The following CSGALNACT1 variants were observed in gnomAD, a reference collection of about 807,000 sequenced individuals.
The protein encoded by CSGALNACT1 is chondroitin sulfate N-acetylgalactosaminyltransferase 1.
In CSGALNACT1, 52 loss-of-function variants were observed where a neutral mutation model predicts 51.0. The ratio of observed to expected loss-of-function variants is 1.02; its 90% CI spans 0.82 to 1.29. The LOEUF is 1.29. CSGALNACT1 is among the 50% of genes most tolerant of loss of function. The pLI is 0.00. For synonymous variants in CSGALNACT1, 341 were observed against 254.4 expected, an observed-to-expected ratio of 1.34 and a Z score of -3.24; for missense variants, 935 against 679.2, an observed-to-expected ratio of 1.38 and a Z score of -4.19.
chr8:19,620,535 C>T (rs1200844874), intron 1 of CSGALNACT1, among the ~76,000 whole-genome samples: 5 of 151,692 alleles, frequency 3.3e-5, no homozygotes, highest in African/African-American at 4.9e-5. Context: ...CATGCTCAAG[C>T]GATCCTCCCA....
At chr8:19,612,421 A>C (rs955674115) in intron 1 of CSGALNACT1, among the ~76,000 whole-genome samples, 1 of 151,818 alleles carries the variant, frequency 6.6e-6, no homozygotes. Flanking sequence ...TCATCCCCTC[A>C]AACACCCAGA....
At chr8:19,726,407 ATT>A (rs2063404473) in intron 1 of CSGALNACT1, among the ~76,000 whole-genome samples, 1 of 152,150 alleles carries the variant, frequency 6.6e-6, no homozygotes, top group Non-Finnish European at 1.5e-5. Context: ...AAAAATATTC[ATT>A]TTTATGTTTT....
chr8:19,556,335 C>T (rs1283222640), intron 3 of CSGALNACT1, among the ~76,000 whole-genome samples: 1 of 151,272 alleles, frequency 6.6e-6, no homozygotes, highest in Non-Finnish European at 1.5e-5. Context: ...GAAATTGCAC[C>T]ATTTGCACTC....
chr8:19,603,554 AC>A (rs1177468586), upstream of CSGALNACT1, among the ~76,000 whole-genome samples: 1 of 152,184 alleles, frequency 6.6e-6, no homozygotes, highest in Non-Finnish European at 1.5e-5. Flanking sequence ...AATCACTTGG[AC>A]CCGAATCTGA....
At chr8:19,482,480 C>A (rs1234194824) in intron 4 of CSGALNACT1, among the ~76,000 whole-genome samples, 1 of 152,104 alleles carries the variant, frequency 6.6e-6, no homozygotes, top group Non-Finnish European at 1.5e-5. Context: ...TCTTCTGCTA[C>A]ATCCAATAGA....
chr8:19,574,655 C>T (rs2043756646), intron 3 of CSGALNACT1, among the ~76,000 whole-genome samples: 1 of 152,160 alleles, frequency 6.6e-6, no homozygotes, highest in African/African-American at 2.4e-5. Flanking sequence ...CAGCCCTGTA[C>T]ACCATGGAAC....
chr8:19,575,824 A>G (rs556874697), intron 3 of CSGALNACT1, among the ~76,000 whole-genome samples: 22 of 152,296 alleles, frequency 1.4e-4, no homozygotes, highest in Non-Finnish European at 2.6e-4. Context: ...TAGATGAAGT[A>G]AGATTGGAAA....
intron 3 of CSGALNACT1, among the ~76,000 whole-genome samples, chr8:19,516,274 T>C (rs1340385369): frequency 1.3e-5 from 2 of 152,298 alleles, no homozygotes; most frequent in Non-Finnish European, 2.9e-5. Flanking sequence ...CTTAAAGCAA[T>C]GAAGTAACTT....
chr8:19,554,412 C>G (rs2089158841), intron 3 of CSGALNACT1, among the ~76,000 whole-genome samples: 1 of 152,124 alleles, frequency 6.6e-6, no homozygotes, highest in Non-Finnish European at 1.5e-5. Context: ...AATGCAGGGC[C>G]AAGATCCTCA....
intron 4 of CSGALNACT1, among the ~76,000 whole-genome samples, chr8:19,492,196 G>C (rs1482097146): frequency 6.6e-6 from 1 of 152,202 alleles, no homozygotes; most frequent in Non-Finnish European, 1.5e-5. Flanking sequence ...CTTCTTTTCA[G>C]AGAAGCACGT....
At chr8:19,466,687 C>A (rs2066762479) in intron 4 of CSGALNACT1, among the ~76,000 whole-genome samples, 1 of 152,112 alleles carries the variant, frequency 6.6e-6, no homozygotes, top group Non-Finnish European at 1.5e-5. Context: ...TGTCCTAAGA[C>A]TGCTATAAAT....
chr8:19,518,602 C>T (rs982235401), intron 3 of CSGALNACT1, among the ~76,000 whole-genome samples: 2 of 152,204 alleles, frequency 1.3e-5, no homozygotes, highest in Admixed American at 1.3e-4. Flanking sequence ...CTCTGAGACT[C>T]CTTTCTCTGT....
chr8:19,665,444 C>G (rs2059107808), intron 1 of CSGALNACT1, among the ~76,000 whole-genome samples: 2 of 152,132 alleles, frequency 1.3e-5, no homozygotes, highest in South Asian at 4.1e-4. Context: ...GGCCAAAACT[C>G]AGAAGGAGTA....
intron 1 of CSGALNACT1, among the ~76,000 whole-genome samples, chr8:19,675,672 T>G (rs1263873008): frequency 1.3e-5 from 2 of 152,152 alleles, no homozygotes; most frequent in African/African-American, 4.8e-5. Context: ...TTTTTAATTT[T>G]TAGTAGAGAC....
At chr8:19,631,755 G>A (rs1377074957) in intron 1 of CSGALNACT1, among the ~76,000 whole-genome samples, 1 of 152,166 alleles carries the variant, frequency 6.6e-6, no homozygotes, top group South Asian at 2.1e-4. Flanking sequence ...GCCTCATAAA[G>A]GCACTTTCTT....
chr8:19,632,677 C>T (rs879703763), intron 1 of CSGALNACT1, among the ~76,000 whole-genome samples: 6 of 152,200 alleles, frequency 3.9e-5, no homozygotes, highest in East Asian at 1.9e-4. Flanking sequence ...ACTCACATCT[C>T]AGCAGTGCTA....
intron 3 of CSGALNACT1, among the ~76,000 whole-genome samples, chr8:19,538,666 C>G (rs1294150239): frequency 6.6e-6 from 1 of 152,028 alleles, no homozygotes; most frequent in Admixed American, 6.6e-5. Flanking sequence ...GAGGTACAGG[C>G]TGGGAAGAAA....
At chr8:19,529,562 C>G (rs915440565) in intron 3 of CSGALNACT1, among the ~76,000 whole-genome samples, 2 of 152,134 alleles carry the variant, frequency 1.3e-5, no homozygotes, top group African/African-American at 4.8e-5. Context: ...TAATAAATAT[C>G]AGGAATAGTT....
At chr8:19,619,743 C>A (rs1325870083) in intron 1 of CSGALNACT1, among the ~76,000 whole-genome samples, 2 of 152,150 alleles carry the variant, frequency 1.3e-5, no homozygotes, top group African/African-American at 2.4e-5. Context: ...ACAGTCCTGT[C>A]CTCAGACTTT....
Sources: allele counts gnomAD v4.1 joint callset (sites outside exome capture counted in the v4.1 genomes callset), GRCh38; gene constraint gnomAD v4.1.1; transcripts MANE v1.5; gene names NCBI Gene and HGNC (gene_info 2026-07-23, HGNC 2026-07-21).